ADNP: variants seen among roughly 807,000 people sequenced by gnomAD.
The protein encoded by ADNP is activity-dependent neuroprotector homeobox protein.
ADNP carries 4 observed loss-of-function variants against 84.9 expected under a neutral mutation model. The ratio of observed to expected loss-of-function variants is 0.05; its 90% CI spans 0.02 to 0.11. The LOEUF is 0.11. Among genes scored for constraint, ADNP ranks in the 10% least tolerant of loss-of-function variants. The pLI, the probability that ADNP is intolerant of heterozygous loss-of-function variation, is 1.00. For synonymous variants in ADNP, 554 were observed against 468.1 expected, an observed-to-expected ratio of 1.18 and a Z score of -2.37; for missense variants, 1,132 against 1,326.0, an observed-to-expected ratio of 0.85 and a Z score of 2.27.
chr20:50,908,632 G>C (rs1475304002), intron 2 of ADNP, among the ~76,000 whole-genome samples: 1 of 152,008 alleles, frequency 6.6e-6, no homozygotes, highest in African/African-American at 2.4e-5. Context: ...AAATTAGCTA[G>C]GCGTGGTGGT....
chr20:50,904,113 T>C (rs139750046), intron 3 of ADNP, 112 bp from the exon 4 acceptor site: 71 of 751,344 alleles, frequency 9.4e-5, no homozygotes, highest in African/African-American at 2.1e-4. Flanking sequence ...AAAAGGTGCA[T>C]AGATATCCTC....
intron 2 of ADNP, among the ~76,000 whole-genome samples, chr20:50,921,336 T>C (rs897139289): frequency 1.3e-5 from 2 of 152,250 alleles, no homozygotes; most frequent in Admixed American, 6.5e-5. Context: ...GAGCCATTCA[T>C]ACTCAGGTTT....
intron 4 of ADNP, among the ~76,000 whole-genome samples, chr20:50,902,922 T>C (rs1982128674): frequency 6.6e-6 from 1 of 152,200 alleles, no homozygotes; most frequent in Admixed American, 6.5e-5. Context: ...CTTCCACACT[T>C]GGAACAACGT....
rs1980437275 is a variant in ADNP, at chr20:50,889,571, C to A, written c.*1834G>T. ...GGGAGAGGCTGGTCAAATCTCTACT[C>A]TCTGGTAACAGCATTAACAAGAGTC... On this transcript the variant is annotated 3_prime_UTR_variant, in exon 6 of 6. Transcript: ENST00000621696. 1 of 279,860 alleles carries A rather than the reference C, an allele frequency of 3.6e-6. No individual in the cohort carries two copies. The highest frequency in any genetic ancestry group is 2.2e-5 in the African/African-American group (1 of 46,154). The allele number at this position is 279,860 out of a possible 1,614,324, so 17.3% of individuals were successfully genotyped here.
intron 2 of ADNP, among the ~76,000 whole-genome samples, chr20:50,914,731 A>G (rs962737621): frequency 6.6e-6 from 1 of 152,142 alleles, no homozygotes; most frequent in African/African-American, 2.4e-5. Flanking sequence ...AATAGCTCCA[A>G]TAGCAACAGG....
At chr20:50,912,683 C>A (rs969923006) in intron 2 of ADNP, among the ~76,000 whole-genome samples, 1 of 152,106 alleles carries the variant, frequency 6.6e-6, no homozygotes, top group Non-Finnish European at 1.5e-5. Context: ...CAAACCAAAG[C>A]ATGAAGTTTG....
chr20:50,913,896 T>C, intron 2 of ADNP: 1 of 626,488 alleles, frequency 1.6e-6, no homozygotes, highest in South Asian at 1.7e-5. Context: ...AATTATTGAA[T>C]TTTTGTTTCA....
rs760374363 is a variant in ADNP, at chr20:50,892,946, G to T, written c.1768C>A (p.Pro590Thr). 6.2e-7 allele frequency: 1 copy of T among 1,614,086 alleles called. No homozygotes were observed. Among genetic ancestry groups the T allele is most frequent in the South Asian group, 1.1e-5 (1 of 91,086 alleles). The part of the protein sequence containing the change: ...AYHAQNNPPV[P>T]PKPQPKVQEK... ...TGAACCTTTGGCTGTGGCTTTGGAG[G>T]AACTGGAGGATTATTTTGGGCATGG... The change falls in exon 6 of 6, where the codon CCT becomes ACT. Residue 590 changes from proline to threonine, a missense_variant. Pro to Thr is a conservative substitution (Grantham distance 38, BLOSUM62 -1). This residue lies in a region of ADNP where 53 missense variants were observed against 39.8 expected (regional missense o/e 1.33). Transcript: ENST00000621696.
At chr20:50,896,584 A>C (rs1981419896) in intron 5 of ADNP, among the ~76,000 whole-genome samples, 1 of 152,154 alleles carries the variant, frequency 6.6e-6, no homozygotes, top group African/African-American at 2.4e-5. Context: ...AACTTTAAAA[A>C]CATTTTTTTT....
At position 50,891,362 on chromosome 20, in the gene ADNP, G is replaced by A. The variant is rs763395878; in HGVS notation, c.*43C>T. ...CTTTGCAGTCACACTGGATATCAGA[G>A]TTCCAGGCTGCAGCATGTCACCAAC... On this transcript the variant is annotated 3_prime_UTR_variant, in exon 6 of 6. Transcript: ENST00000621696. 2 of 1,536,372 alleles carry A rather than the reference G, an allele frequency of 1.3e-6. No individual in the cohort carries two copies. Among genetic ancestry groups the A allele is most frequent in the South Asian group, 1.3e-5 (1 of 78,526 alleles).
intron 1 of ADNP, among the ~76,000 whole-genome samples, chr20:50,930,513 C>G (rs1984638583): frequency 6.6e-6 from 1 of 151,804 alleles, no homozygotes; most frequent in Admixed American, 6.5e-5. Context: ...GGGGGAGATG[C>G]CCTTAGCTGC....
chr20:50,916,146 T>C (rs1434977951), intron 2 of ADNP, among the ~76,000 whole-genome samples: 1 of 152,228 alleles, frequency 6.6e-6, no homozygotes, highest in Non-Finnish European at 1.5e-5. Flanking sequence ...TGTAAATTTA[T>C]GCAAGGCGAA....
chr20:50,889,606 G>GAAAC lies in ADNP; in HGVS notation c.*1795_*1798dup. 5.8e-6 allele frequency: 2 copies of GAAAC among 343,276 alleles called. No individual in the cohort carries two copies. Among genetic ancestry groups the GAAAC allele is most frequent in the Non-Finnish European group, 1.0e-5 (2 of 191,788 alleles). The allele number at this position is 343,276 out of a possible 1,614,324, so 21.3% of individuals were successfully genotyped here. A position where few individuals can be genotyped will look rare whatever the true frequency, so the allele number is the denominator to read the frequency against. ...AGCATTAACAAGAGTCTTTCTTTTG[G>GAAAC]AAACAGACTCAGAAGTTATGGACAT... On this transcript the variant is annotated 3_prime_UTR_variant, in exon 6 of 6. Transcript: ENST00000621696.
chr20:50,921,060 C>T (rs1324737473), intron 2 of ADNP, among the ~76,000 whole-genome samples: 5 of 152,164 alleles, frequency 3.3e-5, no homozygotes, highest in African/African-American at 9.7e-5. Context: ...CAGAAGGACA[C>T]TATCTCATTG....
At chr20:50,911,572 C>T (rs1983044904) in intron 2 of ADNP, among the ~76,000 whole-genome samples, 1 of 151,470 alleles carries the variant, frequency 6.6e-6, no homozygotes, top group Admixed American at 6.6e-5. Context: ...ATGGCATCAC[C>T]CAACAGATGA....
chr20:50,931,255 G>GGA lies in ADNP; in HGVS notation c.-695_-694insTC, dbSNP rs1555818583. The stretch of plus-strand genomic sequence containing the variant: ...GGGCACAAGATGGCGGCGGCCGGGG[G>GGA]GGGGGGGGCGGGAGTTCAGCTCATG... On this transcript the variant is annotated 5_prime_UTR_variant, in exon 1 of 6. Coordinates refer to ENST00000621696, the MANE Select transcript of ADNP (RefSeq NM_001282531.3). The GGA allele has an allele frequency of 1.8e-5, 2 of 112,308 alleles. 1 individual carries two copies. Among genetic ancestry groups the GGA allele is most frequent in the Non-Finnish European group, 3.9e-5 (2 of 51,734 alleles). 7.0% of individuals were successfully genotyped at this position (112,308 alleles called of 1,614,324 possible).
chr20:50,897,666 G>A (rs557524006), intron 5 of ADNP, among the ~76,000 whole-genome samples: 4 of 152,222 alleles, frequency 2.6e-5, no homozygotes, highest in South Asian at 4.1e-4. Flanking sequence ...CCTAAGCTGC[G>A]ACGACAGGAC....
rs910072 is a variant in ADNP at position 50,890,161 on chromosome 20, A to C, written c.*1244T>G. On this transcript the variant is annotated 3_prime_UTR_variant, in exon 6 of 6. Transcript: ENST00000621696. The stretch of plus-strand genomic sequence containing the variant: ...AAAAAAAAAAAAAAAAAAAAAAAAA[A>C]GAAAAACAGATTTTGTACCAGGTGC... 52,817 of 180,742 alleles carry C rather than the reference A, an allele frequency of 0.29. 12,417 individuals carry two copies. The highest frequency in any genetic ancestry group is 0.69 in the African/African-American group (23,626 of 34,200). 11.2% of individuals were successfully genotyped at this position (180,742 alleles called of 1,614,324 possible).
At chr20:50,898,127 T>G (rs1010251709) in intron 5 of ADNP, among the ~76,000 whole-genome samples, 1 of 152,224 alleles carries the variant, frequency 6.6e-6, no homozygotes, top group African/African-American at 2.4e-5. Flanking sequence ...GTTTCCAGAA[T>G]AGAAAGGTTT....
Sources: allele counts gnomAD v4.1 joint callset (sites outside exome capture counted in the v4.1 genomes callset), GRCh38; gene constraint gnomAD v4.1.1; regional missense constraint gnomAD v4.1.1; transcripts MANE v1.5; gene names NCBI Gene and HGNC (gene_info 2026-07-23, HGNC 2026-07-21).